The following PRTFDC1 variants were observed in gnomAD, a reference collection of about 807,000 sequenced individuals.
PRTFDC1 encodes phosphoribosyl transferase domain containing 1.
PRTFDC1 carries 38 observed loss-of-function variants against 34.6 expected under a neutral mutation model. The ratio of observed to expected loss-of-function variants is 1.10; its 90% CI spans 0.85 to 1.44. The LOEUF is 1.44. PRTFDC1 is among the 40% of genes most tolerant of loss of function. The pLI is 0.00. For missense variants in PRTFDC1, 270 were observed against 283.0 expected (o/e 0.95, Z 0.33); for synonymous variants, 93 against 98.1 (o/e 0.95, Z 0.31).
intron 3 of PRTFDC1, among the ~76,000 whole-genome samples, chr10:24,892,627 T>C (rs560874453): frequency 6.6e-6 from 1 of 152,210 alleles, no homozygotes; most frequent in South Asian, 2.1e-4. Context: ...GGTGACACAG[T>C]CCTGGTCTGC....
intron 3 of PRTFDC1, among the ~76,000 whole-genome samples, chr10:24,889,934 G>A (rs989512482): frequency 2.0e-5 from 3 of 152,150 alleles, no homozygotes; most frequent in African/African-American, 4.8e-5. Context: ...GGTGGTCTTG[G>A]GCAAATTCTG....
At position 24,895,684 on chromosome 10, in the gene PRTFDC1, G is replaced by A. The variant is rs1245655461; in HGVS notation, c.340-23621C>T. Among the ~76,000 whole-genome samples the A allele has an allele frequency of 1.9e-4, 16 of 83,216 alleles. No individual in the cohort carries two copies. The Admixed American group carries it at 2.3e-3, about 12-fold the overall frequency. The allele number at this position is 83,216 out of a possible 152,430, so 54.6% of individuals were successfully genotyped here. A position where few individuals can be genotyped will look rare whatever the true frequency, so the allele number is the denominator to read the frequency against. ...AAAAACCTAGGAGGGCAAGAGCTGGGGTGGATATATATATATATATATATA... is the reference window on the plus strand; with the variant it reads ...AAAAACCTAGGAGGGCAAGAGCTGGAGTGGATATATATATATATATATATA... On this transcript the variant is annotated intron_variant, in intron 3 of 8. Transcript: ENST00000320152.
At chr10:24,889,507 T>C (rs11014283) in intron 3 of PRTFDC1, among the ~76,000 whole-genome samples, 72,097 of 151,958 alleles carry the variant, frequency 0.47, 17,507 homozygotes, top group South Asian at 0.7. Flanking sequence ...TGTAAGAAAC[T>C]TTAAGCAAAA....
intron 4 of PRTFDC1, among the ~76,000 whole-genome samples, chr10:24,864,499 A>G (rs1454180807): frequency 6.6e-6 from 1 of 152,188 alleles, no homozygotes; most frequent in Admixed American, 6.5e-5. Context: ...GCAGCCATCA[A>G]CATCGTGGCA....
At chr10:24,882,234 A>G (rs1848091289) in intron 3 of PRTFDC1, among the ~76,000 whole-genome samples, 1 of 151,826 alleles carries the variant, frequency 6.6e-6, no homozygotes. Context: ...AGAAAAGAAA[A>G]AGAGAAAGAC....
chr10:24,928,737 C>A lies in PRTFDC1; in HGVS notation c.339+8447G>T, dbSNP rs111854353. On this transcript the variant is annotated intron_variant, in intron 3 of 8. Transcript: ENST00000320152. ...GGGATTACAGGTGTGAGCCACCGTGCCAAGAAAAAGAAGCTTTCGGCTGAG... is the reference window on the plus strand; with the variant it reads ...GGGATTACAGGTGTGAGCCACCGTGACAAGAAAAAGAAGCTTTCGGCTGAG... Among the ~76,000 whole-genome samples, 1,506 of 151,662 alleles carry A rather than the reference C, an allele frequency of 9.9e-3. 32 individuals are homozygous for A. Among genetic ancestry groups the A allele is most frequent in the African/African-American group, 0.035 (1,441 of 41,494 alleles).
intron 3 of PRTFDC1, among the ~76,000 whole-genome samples, chr10:24,903,952 G>A (rs975426519): frequency 9.2e-5 from 14 of 151,886 alleles, no homozygotes; most frequent in African/African-American, 3.1e-4. Context: ...GCCTCGCAAA[G>A]GGCTGGGATT....
intron 4 of PRTFDC1, among the ~76,000 whole-genome samples, chr10:24,868,795 ATT>A (rs5783907): frequency 0.22 from 32,236 of 148,750 alleles, 4,046 homozygotes; most frequent in African/African-American, 0.35. Context: ...TTCCTTTTAC[ATT>A]TTTTTTTTTT....
At chr10:24,950,449 G>C (rs996190668) in intron 1 of PRTFDC1, among the ~76,000 whole-genome samples, 1 of 152,000 alleles carries the variant, frequency 6.6e-6, no homozygotes, top group Non-Finnish European at 1.5e-5. Context: ...GGAGCATTTC[G>C]GATTTTGGAT....
At chr10:24,938,201 C>T (rs1269044840) in intron 2 of PRTFDC1, among the ~76,000 whole-genome samples, 1 of 151,776 alleles carries the variant, frequency 6.6e-6, no homozygotes, top group Non-Finnish European at 1.5e-5. Flanking sequence ...ACTACTCCAG[C>T]CTGCGCGACA....
At chr10:24,900,438 A>C (rs893276744) in intron 3 of PRTFDC1, among the ~76,000 whole-genome samples, 2 of 152,222 alleles carry the variant, frequency 1.3e-5, no homozygotes, top group Non-Finnish European at 2.9e-5. Flanking sequence ...GAACTTTTGC[A>C]TCTGAATTTT....
chr10:24,893,028 G>T (rs1848291614), intron 3 of PRTFDC1, among the ~76,000 whole-genome samples: 1 of 152,094 alleles, frequency 6.6e-6, no homozygotes, highest in Non-Finnish European at 1.5e-5. Context: ...CCCAAATTTT[G>T]CTCATACAGT....
At chr10:24,864,562 T>A (rs1847741917) in intron 4 of PRTFDC1, among the ~76,000 whole-genome samples, 1 of 152,178 alleles carries the variant, frequency 6.6e-6, no homozygotes, top group African/African-American at 2.4e-5. Flanking sequence ...AGATGATCAT[T>A]AGCATTGTTT....
intron 4 of PRTFDC1, among the ~76,000 whole-genome samples, chr10:24,871,499 T>C (rs1301424828): frequency 3.9e-5 from 6 of 152,134 alleles, no homozygotes; most frequent in Non-Finnish European, 7.3e-5. Context: ...TATTATCTAA[T>C]AGTTTACATT....
chr10:24,921,193 T>C (rs1283108533), intron 3 of PRTFDC1, among the ~76,000 whole-genome samples: 1 of 152,028 alleles, frequency 6.6e-6, no homozygotes, highest in Non-Finnish European at 1.5e-5. Flanking sequence ...TTAAAAATCA[T>C]TTTTGTCCTA....
intron 1 of PRTFDC1, among the ~76,000 whole-genome samples, chr10:24,951,959 A>G (rs566458138): frequency 3.9e-4 from 59 of 152,318 alleles, no homozygotes; most frequent in Non-Finnish European, 7.2e-4. Context: ...TAGGTCACTC[A>G]GGAGCCGCCA....
intron 3 of PRTFDC1, among the ~76,000 whole-genome samples, chr10:24,893,060 C>A (rs1371680038): frequency 1.3e-5 from 2 of 152,046 alleles, no homozygotes; most frequent in Admixed American, 6.6e-5. Context: ...TAATAGCACA[C>A]CTGACTGAAA....
chr10:24,904,563 C>T (rs1010534084), intron 3 of PRTFDC1, among the ~76,000 whole-genome samples: 9 of 152,248 alleles, frequency 5.9e-5, no homozygotes, highest in Admixed American at 6.5e-5. Context: ...ACTTCAGCCC[C>T]GTGAACTTGT....
chr10:24,861,941 G>A (rs1847687088), intron 4 of PRTFDC1, among the ~76,000 whole-genome samples: 1 of 151,746 alleles, frequency 6.6e-6, no homozygotes. Flanking sequence ...GCCCAGCCGT[G>A]TATTCATTCT....
Sources: allele counts gnomAD v4.1 joint callset (sites outside exome capture counted in the v4.1 genomes callset), GRCh38; gene constraint gnomAD v4.1.1; transcripts MANE v1.5; gene names NCBI Gene and HGNC (gene_info 2026-07-23, HGNC 2026-07-21).